Variants in AXDND1 observed in about 807,000 individuals in gnomAD.
AXDND1 encodes the protein axonemal dynein light chain domain containing 1.
A neutral mutation model predicts 137.5 loss-of-function variants in AXDND1; 110 were observed. The ratio of observed to expected loss-of-function variants is 0.80; its 90% confidence interval spans 0.69 to 0.94. AXDND1 has a LOEUF of 0.94. Ranked by LOEUF, AXDND1 falls within the 40% of genes least tolerant of loss-of-function variation. AXDND1 has a pLI of 0.00. For synonymous variants in AXDND1, 414 were observed against 399.7 expected, an observed-to-expected ratio of 1.04 and a Z score of -0.43; for missense variants, 1,191 against 1,169.8, an observed-to-expected ratio of 1.02 and a Z score of -0.26.
intron 4 of AXDND1, among the ~76,000 whole-genome samples, chr1:179,372,189 T>G (rs542171309): frequency 6.6e-6 from 1 of 152,134 alleles, no homozygotes; most frequent in African/African-American, 2.4e-5. Flanking sequence ...AGCAGTAAAA[T>G]ATAAAACAGC....
At chr1:179,379,553 C>T (rs187764548) in intron 6 of AXDND1, 71 bp downstream of exon 6, 74 of 1,550,786 alleles carry the variant, frequency 4.8e-5, no homozygotes, top group South Asian at 2.1e-4. Context: ...CAGCACTTTG[C>T]GAGGCCAAGG....
At position 179,442,614 on chromosome 1, in the gene AXDND1, A is replaced by G. The variant is rs554400972; in HGVS notation, c.1564-2356A>G. The stretch of plus-strand genomic sequence containing the variant: ...TTCTTCAACAGACAAATTCTGCTCC[A>G]TGTTACCCTGATTCAGAAAACTTCC... On this transcript the variant is annotated intron_variant, in intron 15 of 25. Transcript: ENST00000367618. Among the ~76,000 whole-genome samples the G allele has an allele frequency of 5.3e-5, 8 of 152,314 alleles. No individual in the cohort carries two copies. The South Asian group carries it at 1.5e-3, about 28-fold the overall frequency.
At chr1:179,430,338 A>G (rs1259708230) in intron 13 of AXDND1, 114 bp from the exon 14 acceptor site, 6 of 831,340 alleles carry the variant, frequency 7.2e-6, no homozygotes, top group Admixed American at 3.0e-5. Context: ...TTTTTAATCA[A>G]TTTTCTATGA....
intron 10 of AXDND1, among the ~76,000 whole-genome samples, chr1:179,394,500 G>A (rs7519056): frequency 0.087 from 13,159 of 152,046 alleles, 785 homozygotes; most frequent in Middle Eastern, 0.17. Flanking sequence ...TGAGGCAGGA[G>A]AATCACTTGA....
chr1:179,412,779 T>G (rs1270598588), intron 12 of AXDND1, among the ~76,000 whole-genome samples: 2 of 152,122 alleles, frequency 1.3e-5, no homozygotes, highest in African/African-American at 4.8e-5. Context: ...TCTTTAAAAT[T>G]TTTTTTCCCA....
intron 15 of AXDND1, 48 bp from the exon 16 acceptor site, chr1:179,444,922 C>T (rs1304749847): frequency 6.7e-6 from 9 of 1,343,992 alleles, no homozygotes; most frequent in Non-Finnish European, 8.3e-6. Flanking sequence ...CTTTGATAAA[C>T]TCATTAGTGG....
chr1:179,498,835 A>G (rs1667715221), intron 20 of AXDND1, among the ~76,000 whole-genome samples: 1 of 152,174 alleles, frequency 6.6e-6, no homozygotes, highest in Non-Finnish European at 1.5e-5. Flanking sequence ...AATTCTCAGC[A>G]TCACTAATCA....
At chr1:179,436,985 A>G (rs957087361) in intron 15 of AXDND1, among the ~76,000 whole-genome samples, 2 of 152,056 alleles carry the variant, frequency 1.3e-5, no homozygotes, top group African/African-American at 4.8e-5. Flanking sequence ...TGTAGCTTAA[A>G]ATGACAGCTC....
chr1:179,430,614 A>G lies in AXDND1; in HGVS notation c.1487+8A>G. 6.2e-7 allele frequency: 1 copy of G among 1,602,360 alleles called. No individual in the cohort carries two copies. Among genetic ancestry groups the G allele is most frequent in the Non-Finnish European group, 8.5e-7 (1 of 1,176,532 alleles). Reference sequence around the variant, plus strand: ...ATGGCAGGAGTTCTTCAAGTGAGTCACCAAGAATCTTGTTTTTCTGATTAT... The same window carrying G: ...ATGGCAGGAGTTCTTCAAGTGAGTCGCCAAGAATCTTGTTTTTCTGATTAT... On this transcript the variant is annotated splice_region_variant and intron_variant, in intron 14 of 25. Transcript: ENST00000367618.
intron 25 of AXDND1, among the ~76,000 whole-genome samples, chr1:179,539,262 T>C (rs2125721316): frequency 6.6e-6 from 1 of 152,338 alleles, no homozygotes; most frequent in Middle Eastern, 3.4e-3. Context: ...TGCCCATTAG[T>C]TGATGCAGTT....
chr1:179,395,230 AC>A, intron 11 of AXDND1, 28 bp downstream of exon 11: 1 of 1,569,754 alleles, frequency 6.4e-7, no homozygotes. Flanking sequence ...TGTTTAGCTT[AC>A]ATAGGGGAAA....
chr1:179,365,821 T>C (rs1183810652), upstream of AXDND1: 1 of 152,262 alleles, frequency 6.6e-6, no homozygotes, highest in East Asian at 1.9e-4. Context: ...ACTGAACCTA[T>C]GCTGTGACTT....
intron 16 of AXDND1, among the ~76,000 whole-genome samples, chr1:179,464,206 G>A (rs1662791317): frequency 6.6e-6 from 1 of 152,184 alleles, no homozygotes; most frequent in Non-Finnish European, 1.5e-5. Flanking sequence ...TTTCTTCCTA[G>A]CATCAATGGT....
intron 11 of AXDND1, among the ~76,000 whole-genome samples, chr1:179,409,274 C>G (rs893402393): frequency 6.6e-6 from 1 of 151,932 alleles, no homozygotes; most frequent in African/African-American, 2.4e-5. Flanking sequence ...TATAGAAACA[C>G]TACTGATTTT....
intron 21 of AXDND1, among the ~76,000 whole-genome samples, chr1:179,510,312 G>T (rs1421949365): frequency 6.6e-6 from 1 of 152,016 alleles, no homozygotes; most frequent in Non-Finnish European, 1.5e-5. Context: ...CTCTTTGAAG[G>T]CGTTCTCCTC....
intron 11 of AXDND1, 133 bp from the exon 12 acceptor site, chr1:179,411,013 T>C: frequency 1.5e-6 from 1 of 645,872 alleles, no homozygotes; most frequent in South Asian, 2.7e-5. Context: ...TCAGCAATTA[T>C]ACCATAATTA....
chr1:179,367,865 A>G (rs1667617742), intron 2 of AXDND1, among the ~76,000 whole-genome samples: 1 of 152,176 alleles, frequency 6.6e-6, no homozygotes, highest in Admixed American at 6.5e-5. Flanking sequence ...ATTTTCGTTC[A>G]TATGCGGATC....
chr1:179,379,741 A>G (rs538591796), intron 6 of AXDND1, among the ~76,000 whole-genome samples: 18 of 145,142 alleles, frequency 1.2e-4, no homozygotes, highest in African/African-American at 2.8e-4. Flanking sequence ...GGTTGCAGTG[A>G]GCCAAGATTG....
intron 9 of AXDND1, among the ~76,000 whole-genome samples, chr1:179,392,103 T>C (rs562690044): frequency 1.3e-5 from 2 of 152,192 alleles, no homozygotes; most frequent in African/African-American, 2.4e-5. Flanking sequence ...GTACCAAATA[T>C]GTAGTCTTTA....
Sources: gnomAD v4.1 joint callset for allele counts (sites outside exome capture counted in the v4.1 genomes callset) on GRCh38, gnomAD v4.1.1 for gene constraint, MANE v1.5 for transcripts, NCBI Gene and HGNC (gene_info 2026-07-23, HGNC 2026-07-21) for gene names.